FAT2: variants seen among roughly 807,000 people sequenced by gnomAD.
The protein encoded by FAT2 is FAT atypical cadherin 2, also known as protocadherin Fat 2.
In FAT2, 150 loss-of-function variants were observed where a neutral mutation model predicts 295.3. The observed-to-expected ratio is 0.51, with a 90% CI of 0.44 to 0.58. The LOEUF (loss-of-function observed/expected upper bound fraction) is 0.58. Among genes scored for constraint, FAT2 ranks in the 20% least tolerant of loss-of-function variants. The pLI, the probability that FAT2 is intolerant of heterozygous loss-of-function variation, is 0.00. For synonymous variants in FAT2, 2,026 were observed against 2,150.3 expected (o/e 0.94, Z 1.60); for missense variants, 4,868 against 5,442.7 (o/e 0.89, Z 3.32).
At chr5:151,562,056 C>T (rs1758038378) in intron 3 of FAT2, among the ~76,000 whole-genome samples, 2 of 152,090 alleles carry the variant, frequency 1.3e-5, no homozygotes, top group Non-Finnish European at 2.9e-5. Flanking sequence ...AGCCTGTTTT[C>T]CAGGAGAAAA....
chr5:151,526,091 A>G, intron 17 of FAT2, 126 bp from the exon 18 acceptor site: 2 of 902,294 alleles, frequency 2.2e-6, no homozygotes, highest in South Asian at 3.2e-5. Context: ...TGGTGCCTGG[A>G]CATCAAGCTG....
At chr5:151,511,921 G>T (rs888939766) in intron 21 of FAT2, 6 of 545,586 alleles carry the variant, frequency 1.1e-5, no homozygotes, top group Non-Finnish European at 2.0e-5. Context: ...TGCCCCTGAG[G>T]TCCCCATTCA....
At chr5:151,553,876 C>T (rs1399434753) in intron 5 of FAT2, among the ~76,000 whole-genome samples, 1 of 152,154 alleles carries the variant, frequency 6.6e-6, no homozygotes, top group Non-Finnish European at 1.5e-5. Context: ...TCAGTGTGGT[C>T]GATTCACCTG....
At chr5:151,556,301 G>T (rs760959795) in intron 4 of FAT2, 43 bp downstream of exon 4, 159 of 1,570,484 alleles carry the variant, frequency 1.0e-4, no homozygotes, top group Non-Finnish European at 1.1e-4. Context: ...GGCCTAACAT[G>T]GCTCCACAAA....
At chr5:151,547,913 A>G (rs1756806554) in intron 9 of FAT2, among the ~76,000 whole-genome samples, 2 of 152,158 alleles carry the variant, frequency 1.3e-5, no homozygotes, top group African/African-American at 2.4e-5. Context: ...ACATTCCTGT[A>G]TTTTTCGTGT....
intron 1 of FAT2, among the ~76,000 whole-genome samples, chr5:151,581,015 G>A (rs971024374): frequency 1.3e-5 from 2 of 152,044 alleles, no homozygotes; most frequent in Admixed American, 6.5e-5. Flanking sequence ...TCAGTCTCAC[G>A]TGGCCACTCC....
In FAT2 at chr5:151,543,379, G is replaced by T. The variant is rs1756342718; in HGVS notation, c.7748C>A (p.Pro2583Gln). ...IILTDENDNPPQFKASEYTVS... is the reference protein window; with the variant it reads ...IILTDENDNPQQFKASEYTVS... ...TGTGTACTCAGATGCTTTGAACTGTGGGGGGTTGTCATTTTCATCTGTGAG... is the reference window on the plus strand; with the variant it reads ...TGTGTACTCAGATGCTTTGAACTGTTGGGGGTTGTCATTTTCATCTGTGAG... The change falls in exon 10 of 24, where the codon CCA (proline) becomes CAA (glutamine). Residue 2583 changes from proline (P) to glutamine (Q), a missense_variant. Around this residue, in one of 5 missense-constraint regions of FAT2, gnomAD observed 3,297 missense variants for 3,669.4 expected, o/e 0.90. Transcript: ENST00000261800. 6.2e-7 allele frequency: 1 copy of T among 1,613,996 alleles called. No individual in the cohort carries two copies. Among genetic ancestry groups the T allele is most frequent in the Non-Finnish European group, 8.5e-7 (1 of 1,180,010 alleles).
At chr5:151,514,138 A>G (rs72798336) in intron 20 of FAT2, among the ~76,000 whole-genome samples, 24,532 of 152,232 alleles carry the variant, frequency 0.16, 2,298 homozygotes, top group Non-Finnish European at 0.2. Flanking sequence ...TTTTTGCCCC[A>G]GTTGAATACT....
chr5:151,582,803 T>C (rs138803505), intron 1 of FAT2, among the ~76,000 whole-genome samples: 1 of 152,308 alleles, frequency 6.6e-6, no homozygotes, highest in Non-Finnish European at 1.5e-5. Context: ...GGAGGACTGC[T>C]GTGGAACTCA....
rs1309062708 is a variant in FAT2 at position 151,510,103 on chromosome 5, C to T, written c.11977G>A (p.Ala3993Thr). The T allele has an allele frequency of 6.2e-7, 1 of 1,614,156 alleles. No individual in the cohort carries two copies. ...CEQGRENCTF[A>T]PCLEGGTCIL... Reference sequence around the variant, plus strand: ...CAAGTTCCACCTTCCAGGCAGGGTGCAAAAGTACAGTTCTCCCTTCCTTGT... The same window carrying T: ...CAAGTTCCACCTTCCAGGCAGGGTGTAAAAGTACAGTTCTCCCTTCCTTGT... The change falls in exon 22 of 24, where the codon GCA becomes ACA. Residue 3993 changes from alanine to threonine, a missense_variant. This residue lies in a region of FAT2 where 492 missense variants were observed against 482.6 expected (regional missense o/e 1.02). Transcript: ENST00000261800.
intron 12 of FAT2, among the ~76,000 whole-genome samples, chr5:151,536,917 C>A (rs1755373336): frequency 1.3e-5 from 2 of 152,188 alleles, no homozygotes; most frequent in Admixed American, 1.3e-4. Flanking sequence ...CAGTTTCTGG[C>A]CTTCTGTCAG....
intron 13 of FAT2, among the ~76,000 whole-genome samples, chr5:151,533,886 A>G (rs1483492223): frequency 6.6e-6 from 1 of 152,164 alleles, no homozygotes; most frequent in Non-Finnish European, 1.5e-5. Context: ...AATATGTTTG[A>G]ATGAATGCAA....
At chr5:151,588,003 A>G (rs1759244278) in intron 1 of FAT2, among the ~76,000 whole-genome samples, 1 of 152,202 alleles carries the variant, frequency 6.6e-6, no homozygotes, top group African/African-American at 2.4e-5. Flanking sequence ...GCTGTGTGAC[A>G]TCTGTAAAAT....
At position 151,574,085 on chromosome 5, in the gene FAT2, G is replaced by A. The variant is rs780412699; in HGVS notation, c.-20-5134C>T. ...TCAGACCCTAAACGAGCCCCCCAAT[G>A]GCAGCGAAGGGATTTCCTCTCTGTG... On this transcript the variant is annotated intron_variant, in intron 1 of 23. Coordinates refer to ENST00000261800, the MANE Select transcript of FAT2 (RefSeq NM_001447.3). Among the ~76,000 whole-genome samples the A allele has an allele frequency of 8.5e-5, 13 of 152,204 alleles. No individual in the cohort carries two copies. The South Asian group carries it at 1.0e-3, about 12-fold the overall frequency.
At chr5:151,558,682 T>G (rs774259944) in intron 3 of FAT2, among the ~76,000 whole-genome samples, 5 of 152,110 alleles carry the variant, frequency 3.3e-5, no homozygotes, top group Non-Finnish European at 7.4e-5. Flanking sequence ...AGAGAAACCA[T>G]GAAGTGACAG....
At chr5:151,579,680 C>A (rs1041569819) in intron 1 of FAT2, among the ~76,000 whole-genome samples, 1 of 151,626 alleles carries the variant, frequency 6.6e-6, no homozygotes, top group Non-Finnish European at 1.5e-5. Flanking sequence ...CATTATGTTG[C>A]ACACCATAAA....
At chr5:151,513,818 T>C (rs1318519483) in intron 20 of FAT2, among the ~76,000 whole-genome samples, 1 of 152,224 alleles carries the variant, frequency 6.6e-6, no homozygotes, top group Non-Finnish European at 1.5e-5. Context: ...TATTTCTAAA[T>C]AAATTAATAC....
At position 151,545,433 on chromosome 5, in the gene FAT2, A is replaced by T; in HGVS notation, c.5694T>A (p.Asp1898Glu). 6.2e-7 allele frequency: 1 copy of T among 1,614,182 alleles called. No homozygotes were observed. Residue 1898 changes from aspartate (D) to glutamate (E), a missense_variant, in exon 10 of 24, where the codon GAT (aspartate) becomes GAA (glutamate). Transcript: ENST00000261800. ...GMELLMVRAS[D>E]EDSEVNYSIK... ...TGCTATAATTGACTTCTGAGTCTTC[A>T]TCGCTGGCCCGCACCATGAGAAGCT...
At chr5:151,537,232 G>A (rs1581370705) in intron 12 of FAT2, among the ~76,000 whole-genome samples, 1 of 150,762 alleles carries the variant, frequency 6.6e-6, no homozygotes, top group Admixed American at 6.6e-5. Context: ...AGGAGGAGGA[G>A]GAAGAAGAAG....
Sources: gnomAD v4.1 joint callset for allele counts (sites outside exome capture counted in the v4.1 genomes callset) on GRCh38, gnomAD v4.1.1 for gene constraint, gnomAD v4.1.1 regional missense constraint, MANE v1.5 for transcripts, NCBI Gene and HGNC (gene_info 2026-07-23, HGNC 2026-07-21) for gene names.